The following SASH1 variants were observed in gnomAD, a reference collection of about 807,000 sequenced individuals.
The protein encoded by SASH1 is SAM and SH3 domain-containing protein 1.
Under a neutral mutation model 125.2 loss-of-function variants are expected in SASH1, and 44 were observed. The ratio of observed to expected loss-of-function variants is 0.35; its 90% confidence interval spans 0.28 to 0.45. The LOEUF (loss-of-function observed/expected upper bound fraction) is 0.45, where lower values mean the gene tolerates loss of function less well. Ranked by LOEUF, SASH1 falls within the 20% of genes least tolerant of loss-of-function variation. The probability of loss-of-function intolerance (pLI) is 1.00; values close to 1 mark genes in which losing one functional copy is unlikely to be tolerated. For missense variants in SASH1, 1,426 were observed against 1,614.5 expected (o/e 0.88, Z 2.00); for synonymous variants, 639 against 649.1 (o/e 0.98, Z 0.24).
rs1780650394 is a variant in SASH1 at position 148,519,254 on chromosome 6, A to G, written c.863-293A>G. On this transcript the variant is annotated intron_variant, in intron 9 of 19. Transcript: ENST00000367467. The surrounding 1 kb of genome is among the most constrained non-coding windows in gnomAD (Gnocchi z 4.8). ...GCATTATCTCGAAATGCTAAGGCAT[A>G]TTGTGATTATGGCTAGCTTAGATTT... Among the ~76,000 whole-genome samples, 1 of 152,210 alleles carries G rather than the reference A, an allele frequency of 6.6e-6. No homozygotes were observed. Among genetic ancestry groups the G allele is most frequent in the African/African-American group, 2.4e-5 (1 of 41,452 alleles).
chr6:148,434,201 C>T (rs943476690), intron 2 of SASH1, among the ~76,000 whole-genome samples: 7 of 150,930 alleles, frequency 4.6e-5, no homozygotes, highest in East Asian at 2.0e-4. Context: ...CTCAGCCTCC[C>T]GAGTAGCTGG....
chr6:148,325,261 T>TTTTTGTTGTTG (rs1554235039), intron 1 of SASH1, among the ~76,000 whole-genome samples: 8 of 149,994 alleles, frequency 5.3e-5, no homozygotes, highest in Non-Finnish European at 1.0e-4. Context: ...AAAAGCCTCT[T>TTTTTGTTGTTG]TTGTTGTTGT....
intron 1 of SASH1, among the ~76,000 whole-genome samples, chr6:148,373,337 G>A (rs7762712): frequency 0.053 from 8,127 of 152,250 alleles, 750 homozygotes; most frequent in African/African-American, 0.19. Flanking sequence ...TGAGCAGGCC[G>A]AGAGAGGAGC....
intron 2 of SASH1, among the ~76,000 whole-genome samples, chr6:148,438,832 CACA>C (rs1445027201): frequency 3.3e-5 from 5 of 151,890 alleles, no homozygotes; most frequent in African/African-American, 1.2e-4. Context: ...CGTTGTCAGC[CACA>C]TGCACATTGT....
At chr6:148,488,188 C>G (rs1050621275) in intron 8 of SASH1, among the ~76,000 whole-genome samples, 2 of 152,224 alleles carry the variant, frequency 1.3e-5, no homozygotes, top group Non-Finnish European at 2.9e-5. Flanking sequence ...GTTCTACTTT[C>G]TGCCCCTGTG....
intron 2 of SASH1, among the ~76,000 whole-genome samples, chr6:148,402,618 A>AT (rs60247173): frequency 0.51 from 70,028 of 138,026 alleles, 16,981 homozygotes; most frequent in Middle Eastern, 0.58. Context: ...CAAAAATGAC[A>AT]TTTTTTTTTT....
intron 16 of SASH1, among the ~76,000 whole-genome samples, chr6:148,538,242 T>G (rs923630480): frequency 6.6e-6 from 1 of 152,186 alleles, no homozygotes; most frequent in Non-Finnish European, 1.5e-5. Context: ...AGCACATACT[T>G]CCATGCTGCA....
At chr6:148,329,315 C>T (rs899319132) in intron 1 of SASH1, among the ~76,000 whole-genome samples, 1 of 152,196 alleles carries the variant, frequency 6.6e-6, no homozygotes, top group Non-Finnish European at 1.5e-5. Context: ...CTGGTGCCTG[C>T]TCACCCATAT....
upstream of SASH1, among the ~76,000 whole-genome samples, chr6:148,340,049 T>C (rs1241066691): frequency 1.3e-5 from 2 of 152,196 alleles, no homozygotes; most frequent in African/African-American, 2.4e-5. Context: ...GGATTGGTGC[T>C]GGAGAGTCAG....
chr6:148,289,139 G>C (rs150722439), intron 1 of SASH1, among the ~76,000 whole-genome samples: 217 of 152,088 alleles, frequency 1.4e-3, no homozygotes, highest in African/African-American at 5.0e-3. Context: ...TTTTTACTGT[G>C]TAAAACGAAA....
Position 148,543,599 on chromosome 6 carries a change from A to G in SASH1, c.2210-81A>G, listed in dbSNP as rs906396307. On this transcript the variant is annotated intron_variant, in intron 17 of 19. Transcript: ENST00000367467. ...TAGGATGTGGGTGTTGGAGATTTCA[A>G]TTATGTTAGCACAACTTTATGCATC... 7 of 1,265,664 alleles carry G rather than the reference A, an allele frequency of 5.5e-6. No homozygotes were observed. In the East Asian group the frequency reaches 1.2e-4, roughly 21 times the overall value. 78.4% of individuals were successfully genotyped at this position (1,265,664 alleles called of 1,614,324 possible).
At chr6:148,349,729 C>A (rs1781654717) in intron 1 of SASH1, among the ~76,000 whole-genome samples, 1 of 152,166 alleles carries the variant, frequency 6.6e-6, no homozygotes, top group African/African-American at 2.4e-5. Flanking sequence ...TGTACAGTCT[C>A]TAAAGTAATC....
chr6:148,495,453 TA>T lies in SASH1; in HGVS notation c.729+7739del, dbSNP rs1490511109. On this transcript the variant is annotated intron_variant, in intron 8 of 19. Transcript: ENST00000367467. The surrounding 1 kb of genome is among the most constrained non-coding windows in gnomAD (Gnocchi z 4.0). Reference sequence around the variant, plus strand: ...GCTGTGTTTATTTTGAATTTTATTTTATTTTATTTTTTACTAGAGTAACTTT... The same window carrying T: ...GCTGTGTTTATTTTGAATTTTATTTTTTTTATTTTTTACTAGAGTAACTTT... Among the ~76,000 whole-genome samples the T allele has an allele frequency of 2.1e-4, 32 of 152,354 alleles. No homozygotes were observed. The highest frequency in any genetic ancestry group is 6.5e-4 in the African/African-American group (27 of 41,584).
At chr6:148,357,192 G>A (rs576702876) in intron 1 of SASH1, among the ~76,000 whole-genome samples, 6 of 152,234 alleles carry the variant, frequency 3.9e-5, no homozygotes, top group African/African-American at 1.4e-4. Flanking sequence ...TTGGATTTAT[G>A]CCCTCAGAGC....
chr6:148,247,841 C>T, the SASH1 span, among the ~76,000 whole-genome samples: 1 of 152,236 alleles, frequency 6.6e-6, no homozygotes, highest in African/African-American at 2.4e-5. Flanking sequence ...CGCTGCCACC[C>T]TGGCCACTCT....
At chr6:148,377,185 A>C (rs1782941392) in intron 1 of SASH1, among the ~76,000 whole-genome samples, 2 of 58,146 alleles carry the variant, frequency 3.4e-5, no homozygotes, top group African/African-American at 6.5e-5. Context: ...AAAAAAAAAC[A>C]AAAAAAAAAC....
the SASH1 span, among the ~76,000 whole-genome samples, chr6:148,218,570 G>C: frequency 6.6e-6 from 1 of 152,160 alleles, no homozygotes; most frequent in Non-Finnish European, 1.5e-5. Context: ...CAGGAAAAAG[G>C]GTCCCTGGCC....
chr6:148,525,801 G>A (rs939982448), intron 11 of SASH1, among the ~76,000 whole-genome samples: 6 of 152,106 alleles, frequency 3.9e-5, no homozygotes, highest in Non-Finnish European at 7.4e-5. Context: ...CTTATTATGG[G>A]CCCAGTACCT....
At chr6:148,524,936 A>T (rs1781045286) in intron 10 of SASH1, 2 of 230,654 alleles carry the variant, frequency 8.7e-6, no homozygotes, top group South Asian at 6.4e-5. Flanking sequence ...AATGTAGCTG[A>T]TGTTAGGGGA....
Sources: gnomAD v4.1 joint callset for allele counts (sites outside exome capture counted in the v4.1 genomes callset) on GRCh38, gnomAD v4.1.1 for gene constraint, Gnocchi (gnomAD v3.1) non-coding constraint, MANE v1.5 for transcripts, NCBI Gene and HGNC (gene_info 2026-07-23, HGNC 2026-07-21) for gene names.